The following GRM1 variants were observed in gnomAD, a reference collection of about 807,000 sequenced individuals.
GRM1 encodes the protein glutamate metabotropic receptor 1, also known as metabotropic glutamate receptor 1.
In GRM1, 33 loss-of-function variants were observed where a neutral mutation model predicts 90.9. That is an observed-to-expected ratio of 0.36 (90% CI 0.28 to 0.49). The LOEUF is 0.49. GRM1 is among the 20% of genes least tolerant of loss of function. GRM1 has a pLI of 0.99. For synonymous variants in GRM1, 700 were observed against 613.2 expected (o/e 1.14, Z -2.09); for missense variants, 1,190 against 1,534.3 (o/e 0.78, Z 3.75).
intron 2 of GRM1, among the ~76,000 whole-genome samples, chr6:146,224,366 T>C (rs149283134): frequency 2.4e-4 from 36 of 152,244 alleles, no homozygotes; most frequent in African/African-American, 8.7e-4. Context: ...ATGATGGTTA[T>C]AAAAGCTAAG....
At chr6:146,138,326 G>A (rs560252739) in intron 1 of GRM1, among the ~76,000 whole-genome samples, 13 of 151,724 alleles carry the variant, frequency 8.6e-5, no homozygotes, top group Middle Eastern at 3.4e-3. Context: ...TAGATGTATC[G>A]TCCTTCTATA....
chr6:146,307,137 G>T (rs1239153692), intron 3 of GRM1, among the ~76,000 whole-genome samples: 1 of 152,194 alleles, frequency 6.6e-6, no homozygotes, highest in African/African-American at 2.4e-5. Flanking sequence ...GTACATAAAT[G>T]TCAAGGTTAA....
intron 2 of GRM1, among the ~76,000 whole-genome samples, chr6:146,195,124 A>C (rs1322416559): frequency 6.6e-6 from 1 of 152,196 alleles, no homozygotes; most frequent in East Asian, 1.9e-4. Context: ...ATGTTTTTAA[A>C]ATGATTTGAA....
In GRM1 at chr6:146,405,591, A is replaced by G. The variant is rs193002152; in HGVS notation, c.2660+5892A>G. 1.2e-4 allele frequency among the ~76,000 whole-genome samples: 19 copies of G among 152,324 alleles called. No individual in the cohort carries two copies. In the East Asian group the frequency reaches 2.7e-3, roughly 22 times the overall value. On this transcript the variant is annotated intron_variant, in intron 7 of 7. Transcript: ENST00000282753. ...GTTTCTGGTGAAGGCTTTCCCATTG[A>G]GTCACAGACAGCCACCATCTTGCTG...
chr6:146,079,237 A>G (rs1039899271), intron 1 of GRM1, among the ~76,000 whole-genome samples: 2 of 152,200 alleles, frequency 1.3e-5, no homozygotes, highest in Non-Finnish European at 2.9e-5. Context: ...CGTGGGCTGG[A>G]CATTAGGTTG....
At chr6:146,121,477 A>T (rs1008227851) in intron 1 of GRM1, among the ~76,000 whole-genome samples, 2 of 151,946 alleles carry the variant, frequency 1.3e-5, no homozygotes, top group Non-Finnish European at 2.9e-5. Flanking sequence ...CCCTTCCGCT[A>T]GGTTTTGAAT....
In GRM1 at chr6:146,257,878, A is replaced by G. The variant is rs77030107; in HGVS notation, c.951-46733A>G. Among the ~76,000 whole-genome samples the G allele has an allele frequency of 1.3e-3, 192 of 152,268 alleles. 3 individuals are homozygous for G. The East Asian group carries it at 0.033, about 26-fold the overall frequency. On this transcript the variant is annotated intron_variant, in intron 2 of 7. Coordinates refer to ENST00000282753, the MANE Select transcript of GRM1 (RefSeq NM_001278064.2). Reference sequence around the variant, plus strand: ...AAACACTCTTCAGAGAGACATGCAGAAATAATGTTTAATCCGAGCACCTCA... The same window carrying G: ...AAACACTCTTCAGAGAGACATGCAGGAATAATGTTTAATCCGAGCACCTCA...
In GRM1 at chr6:146,309,338, G is replaced by T. The variant is rs1279053787; in HGVS notation, c.1186+4492G>T. Among the ~76,000 whole-genome samples the T allele has an allele frequency of 2.0e-5, 3 of 151,774 alleles. No homozygotes were observed. The East Asian group carries it at 5.8e-4, about 29-fold the overall frequency. ...CGCTTGAGCCTGGGAGGCAGAGGTTGCAGTGAGCCGAGATCGCGCCACTGC... is the reference window on the plus strand; with the variant it reads ...CGCTTGAGCCTGGGAGGCAGAGGTTTCAGTGAGCCGAGATCGCGCCACTGC... On this transcript the variant is annotated intron_variant, in intron 3 of 7. Transcript: ENST00000282753.
chr6:146,060,208 C>T (rs1224764944), intron 1 of GRM1, among the ~76,000 whole-genome samples: 1 of 151,976 alleles, frequency 6.6e-6, no homozygotes, highest in African/African-American at 2.4e-5. Context: ...CTTCCTTTCA[C>T]TTGAACACTT....
intron 1 of GRM1, among the ~76,000 whole-genome samples, chr6:146,060,424 T>A (rs1362693188): frequency 6.6e-6 from 1 of 152,112 alleles, no homozygotes. Flanking sequence ...AAGTAGGCCC[T>A]GGTGTCTGTT....
At chr6:146,244,944 A>T (rs1781004332) in intron 2 of GRM1, among the ~76,000 whole-genome samples, 1 of 152,200 alleles carries the variant, frequency 6.6e-6, no homozygotes, top group African/African-American at 2.4e-5. Context: ...TAGCTATTGC[A>T]AATTTGATGA....
intron 3 of GRM1, among the ~76,000 whole-genome samples, chr6:146,338,182 A>G (rs896065551): frequency 2.0e-5 from 3 of 152,260 alleles, no homozygotes; most frequent in Admixed American, 2.0e-4. Flanking sequence ...AATATTAGAT[A>G]AATGCTAATA....
At chr6:146,400,997 C>T (rs1398690992) in intron 7 of GRM1, among the ~76,000 whole-genome samples, 1 of 151,926 alleles carries the variant, frequency 6.6e-6, no homozygotes, top group Non-Finnish European at 1.5e-5. Flanking sequence ...CTTAGTTATT[C>T]TTTATTTAGA....
chr6:146,211,778 G>A lies in GRM1; in HGVS notation c.950+52181G>A, dbSNP rs141088511. Among the ~76,000 whole-genome samples, 70 of 152,234 alleles carry A rather than the reference G, an allele frequency of 4.6e-4. No individual in the cohort carries two copies. In the East Asian group the frequency reaches 0.012, roughly 25 times the overall value. ...CTTTTTTCTAAATGTTAATTATACA[G>A]TTCTTTTTTTGTTTTCAGTTTCATT... On this transcript the variant is annotated intron_variant, in intron 2 of 7. Transcript: ENST00000282753.
chr6:146,266,768 T>C (rs1748040485), intron 2 of GRM1, among the ~76,000 whole-genome samples: 1 of 152,286 alleles, frequency 6.6e-6, no homozygotes, highest in South Asian at 2.1e-4. Flanking sequence ...AAAACAACTC[T>C]GCTAGTATCA....
intron 2 of GRM1, among the ~76,000 whole-genome samples, chr6:146,225,895 C>G (rs2114689395): frequency 6.6e-6 from 1 of 152,186 alleles, no homozygotes; most frequent in South Asian, 2.1e-4. Context: ...ATCTGAACAA[C>G]TAGATAAATT....
chr6:146,270,853 C>CTT (rs1271081659), intron 2 of GRM1, among the ~76,000 whole-genome samples: 2 of 41,566 alleles, frequency 4.8e-5, no homozygotes, highest in South Asian at 1.2e-3. Context: ...CTTTCTTTTT[C>CTT]TTTCTTTCTT....
rs567200172 is a variant in GRM1, at chr6:146,384,538, C to T, written c.1603-2352C>T. On this transcript the variant is annotated intron_variant, in intron 5 of 7. Coordinates refer to ENST00000282753, the MANE Select transcript of GRM1 (RefSeq NM_001278064.2). ...AACTGCATGCTCAAACAAAGTCCAA[C>T]ACTCATTTTAAAAAGGAAGAAAAAT... 3.3e-5 allele frequency among the ~76,000 whole-genome samples: 5 copies of T among 152,210 alleles called. No individual in the cohort carries two copies. In the South Asian group the frequency reaches 1.0e-3, roughly 32 times the overall value.
intron 1 of GRM1, among the ~76,000 whole-genome samples, chr6:146,083,650 G>T (rs1181927959): frequency 6.6e-6 from 1 of 152,112 alleles, no homozygotes; most frequent in African/African-American, 2.4e-5. Context: ...TTTTATTGAG[G>T]GTTTTTGCAC....
Sources: gnomAD v4.1 joint callset for allele counts (sites outside exome capture counted in the v4.1 genomes callset) on GRCh38, gnomAD v4.1.1 for gene constraint, MANE v1.5 for transcripts, NCBI Gene and HGNC (gene_info 2026-07-23, HGNC 2026-07-21) for gene names.